ELP4: variants seen among roughly 807,000 people sequenced by gnomAD.
The protein encoded by ELP4 is elongator complex protein 4.
In ELP4, 51 loss-of-function variants were observed where a neutral mutation model predicts 48.9. The observed-to-expected ratio is 1.04, with a 90% CI of 0.83 to 1.32. The LOEUF (loss-of-function observed/expected upper bound fraction) is 1.32. Among genes scored for constraint, ELP4 ranks in the 40% most tolerant of loss-of-function variants. The pLI is 0.00. For synonymous variants in ELP4, 210 were observed against 189.2 expected, an observed-to-expected ratio of 1.11 and a Z score of -0.90; for missense variants, 519 against 514.6, an observed-to-expected ratio of 1.01 and a Z score of -0.08.
intron 3 of ELP4, among the ~76,000 whole-genome samples, chr11:31,553,390 T>C (rs1956881575): frequency 6.6e-6 from 1 of 152,142 alleles, no homozygotes; most frequent in Non-Finnish European, 1.5e-5. Flanking sequence ...TGGGTGGGCC[T>C]CAGCCAGTCA....
At chr11:31,594,999 T>A in intron 4 of ELP4, 98 bp downstream of exon 4, 1 of 967,702 alleles carries the variant, frequency 1.0e-6, no homozygotes, top group Non-Finnish European at 1.5e-6. Context: ...TTTGTTTATT[T>A]AAAGAATTAG....
intron 9 of ELP4, among the ~76,000 whole-genome samples, chr11:31,692,665 G>T (rs1388509285): frequency 1.3e-5 from 2 of 152,086 alleles, no homozygotes; most frequent in African/African-American, 2.4e-5. Flanking sequence ...AGCAAAACAG[G>T]AGTTTTCCTG....
intron 9 of ELP4, among the ~76,000 whole-genome samples, chr11:31,676,969 T>C (rs2134115868): frequency 6.6e-6 from 1 of 152,344 alleles, no homozygotes; most frequent in South Asian, 2.1e-4. Flanking sequence ...TATAAAATTT[T>C]CTATTATATG....
chr11:31,738,550 A>G (rs1947373119), intron 9 of ELP4, among the ~76,000 whole-genome samples: 1 of 152,232 alleles, frequency 6.6e-6, no homozygotes, highest in Non-Finnish European at 1.5e-5. Context: ...AGCCTGGGCA[A>G]CATGGCAAAA....
intron 4 of ELP4, chr11:31,600,431 C>T (rs1243695368): frequency 6.6e-6 from 1 of 152,102 alleles, no homozygotes; most frequent in Non-Finnish European, 1.5e-5. Flanking sequence ...ATGTTAAATT[C>T]TCATCAAACA....
intron 3 of ELP4, among the ~76,000 whole-genome samples, chr11:31,548,439 G>T (rs1221899337): frequency 1.3e-5 from 2 of 151,712 alleles, no homozygotes; most frequent in African/African-American, 4.8e-5. Context: ...GGATGTGAAG[G>T]ACCTCTTCAA....
At chr11:31,558,295 C>T (rs767458696) in intron 3 of ELP4, among the ~76,000 whole-genome samples, 2 of 151,894 alleles carry the variant, frequency 1.3e-5, no homozygotes, top group African/African-American at 2.4e-5. Context: ...CATTTCTAGC[C>T]AGCTTTTAAA....
intron 9 of ELP4, among the ~76,000 whole-genome samples, chr11:31,755,021 G>T (rs1233438139): frequency 6.6e-6 from 1 of 152,120 alleles, no homozygotes; most frequent in East Asian, 1.9e-4. Flanking sequence ...CAGGCCCAAA[G>T]GAGGGAAAAT....
intron 3 of ELP4, among the ~76,000 whole-genome samples, chr11:31,543,482 G>A (rs536664199): frequency 3.3e-5 from 5 of 152,138 alleles, no homozygotes; most frequent in Non-Finnish European, 5.9e-5. Context: ...ACCATGTCCG[G>A]CTAATTTTTT....
intron 9 of ELP4, among the ~76,000 whole-genome samples, chr11:31,655,324 G>T (rs936937523): frequency 6.6e-6 from 1 of 151,628 alleles, no homozygotes; most frequent in Non-Finnish European, 1.5e-5. Context: ...ACAGTTTTGA[G>T]AATCTGTCTA....
At chr11:31,536,248 A>G (rs1956499671) in intron 2 of ELP4, among the ~76,000 whole-genome samples, 1 of 152,092 alleles carries the variant, frequency 6.6e-6, no homozygotes, top group Non-Finnish European at 1.5e-5. Flanking sequence ...ATGCAGACAT[A>G]TATTTTCAAC....
At chr11:31,585,249 T>G (rs532092565) in intron 3 of ELP4, among the ~76,000 whole-genome samples, 1 of 152,254 alleles carries the variant, frequency 6.6e-6, no homozygotes, top group African/African-American at 2.4e-5. Context: ...AAGAATTAAT[T>G]AGGGCCAATT....
chr11:31,690,876 T>C (rs1379046048), intron 9 of ELP4, among the ~76,000 whole-genome samples: 1 of 151,690 alleles, frequency 6.6e-6, no homozygotes. Context: ...AAGGTACTTT[T>C]TTTGCTCTTT....
intron 2 of ELP4, among the ~76,000 whole-genome samples, chr11:31,524,987 T>A (rs509174): frequency 0.39 from 58,937 of 151,944 alleles, 14,995 homozygotes; most frequent in African/African-American, 0.72. Context: ...CAAAAAGAAA[T>A]TAAAAATTCT....
chr11:31,679,427 T>TA (rs766403690), intron 9 of ELP4, among the ~76,000 whole-genome samples: 1 of 152,192 alleles, frequency 6.6e-6, no homozygotes, highest in Non-Finnish European at 1.5e-5. Context: ...GTCAGAAGTC[T>TA]AAAATCAAGA....
chr11:31,705,838 A>AT (rs923934047), intron 9 of ELP4, among the ~76,000 whole-genome samples: 1 of 146,420 alleles, frequency 6.8e-6, no homozygotes, highest in Non-Finnish European at 1.5e-5. Context: ...ACAATACATA[A>AT]TTTTTTTTAA....
chr11:31,656,157 G>A (rs1945428831), intron 9 of ELP4, among the ~76,000 whole-genome samples: 1 of 152,010 alleles, frequency 6.6e-6, no homozygotes, highest in South Asian at 2.1e-4. Context: ...GGTTGCATAA[G>A]TGTTCTTTTC....
At chr11:31,681,559 G>T (rs1483313671) in intron 9 of ELP4, among the ~76,000 whole-genome samples, 2 of 152,146 alleles carry the variant, frequency 1.3e-5, no homozygotes, top group Non-Finnish European at 2.9e-5. Context: ...AATGCTGTGA[G>T]ACTTAAGGAG....
chr11:31,543,238 A>G (rs932130633), intron 3 of ELP4, among the ~76,000 whole-genome samples: 1 of 152,192 alleles, frequency 6.6e-6, no homozygotes, highest in Non-Finnish European at 1.5e-5. Context: ...TAAGGAATGA[A>G]AGTATTACAG....
Sources: allele counts gnomAD v4.1 joint callset (sites outside exome capture counted in the v4.1 genomes callset), GRCh38; gene constraint gnomAD v4.1.1; transcripts MANE v1.5; gene names NCBI Gene and HGNC (gene_info 2026-07-23, HGNC 2026-07-21).